The following CYP4F12 variants were observed in gnomAD, a reference collection of about 807,000 sequenced individuals.
CYP4F12 encodes the protein cytochrome P450 family 4 subfamily F member 12.
CYP4F12 carries 60 observed loss-of-function variants against 56.5 expected under a neutral mutation model. That is an observed-to-expected ratio of 1.06 (90% CI 0.86 to 1.32). CYP4F12 has a LOEUF of 1.32. Ranked by LOEUF, CYP4F12 falls within the 40% of genes most tolerant of loss-of-function variation. The pLI, the probability that CYP4F12 is intolerant of heterozygous loss-of-function variation, is 0.00. For missense variants in CYP4F12, 711 were observed against 683.5 expected, an observed-to-expected ratio of 1.04 and a Z score of -0.45; for synonymous variants, 263 against 264.9, an observed-to-expected ratio of 0.99 and a Z score of 0.07.
In CYP4F12 at chr19:15,684,816, G is replaced by C; in HGVS notation, c.919G>C (p.Asp307His). 1 of 1,555,670 alleles carries C rather than the reference G, an allele frequency of 6.4e-7. No homozygotes were observed. The highest frequency in any genetic ancestry group is 8.8e-7 in the Non-Finnish European group (1 of 1,135,262). ...DFIDVLLLSK[D>H]EDGKALSDED... ...TGTGTGTGTCTTGCTTTCTCTTCAGGATGAAGATGGGAAGGCATTGTCAGA... is the reference window on the plus strand; with the variant it reads ...TGTGTGTGTCTTGCTTTCTCTTCAGCATGAAGATGGGAAGGCATTGTCAGA... The change falls in exon 8 of 13, where the codon GAT becomes CAT. Residue 307 changes from aspartate (D) to histidine (H), a missense_variant and splice_region_variant. Coordinates refer to ENST00000550308, the MANE Select transcript of CYP4F12 (RefSeq NM_023944.4).
chr19:15,697,057 T>C lies in CYP4F12; in HGVS notation c.1547T>C (p.Val516Ala), dbSNP rs1405905326. The C allele has an allele frequency of 6.2e-7, 1 of 1,613,942 alleles. No homozygotes were observed. Among genetic ancestry groups the C allele is most frequent in the East Asian group, 2.2e-5 (1 of 44,878 alleles). Residue 516 changes from valine (V) to alanine (A), a missense_variant, in exon 13 of 13, where the codon GTG becomes GCG. Coordinates refer to ENST00000550308, the MANE Select transcript of CYP4F12 (RefSeq NM_023944.4). ...GCCGAGGGCGGGCTTTGGCTGCGGG[T>C]GGAGCCCCTGAATGTAAGCTTGCAG... ...MRAEGGLWLRVEPLNVSLQ is the reference protein window; with the variant it reads ...MRAEGGLWLRAEPLNVSLQ
rs370244394 is a variant in CYP4F12 at position 15,673,664 on chromosome 19, C to T, written c.135C>T (p.Cys45=). 7.4e-5 allele frequency: 119 copies of T among 1,614,050 alleles called. No homozygotes were observed. The highest frequency in any genetic ancestry group is 2.8e-4 in the Admixed American group (17 of 60,008). The change falls in exon 2 of 13, where the codon TGC becomes TGT. Residue 45 remains cysteine (C), a synonymous_variant. Coordinates refer to ENST00000550308, the MANE Select transcript of CYP4F12 (RefSeq NM_023944.4). The part of the protein sequence containing the change: ...LAWTYAFYNN[C]RRLQCFPQPP... ...GGACCTATGCCTTCTATAACAACTG[C>T]CGCCGGCTCCAGTGTTTCCCACAGC...
At chr19:15,674,981 C>T (rs2006847227) in intron 2 of CYP4F12, among the ~76,000 whole-genome samples, 1 of 152,240 alleles carries the variant, frequency 6.6e-6, no homozygotes, top group Non-Finnish European at 1.5e-5. Flanking sequence ...CTTGTATCTG[C>T]CCATCTCTGG....
intron 3 of CYP4F12, 198 bp downstream of exon 3, chr19:15,678,603 T>A (rs2007115363): frequency 1.6e-6 from 1 of 642,962 alleles, no homozygotes; most frequent in Non-Finnish European, 2.6e-6. Flanking sequence ...TTCAGGGCCC[T>A]TTCTGGAAGG....
intron 9 of CYP4F12, among the ~76,000 whole-genome samples, chr19:15,692,897 A>G (rs1254926650): frequency 6.8e-6 from 1 of 146,928 alleles, no homozygotes; most frequent in South Asian, 2.2e-4. Context: ...AAATTGGGGA[A>G]ACTCCATCTC....
intron 5 of CYP4F12, chr19:15,680,754 C>G (rs1048813288): frequency 1.8e-6 from 1 of 570,100 alleles, no homozygotes; most frequent in Non-Finnish European, 3.1e-6. Flanking sequence ...CACAGAATCC[C>G]TGTAAACTCA....
At chr19:15,673,192 T>A in intron 1 of CYP4F12, 57 bp downstream of exon 1, 1 of 490,338 alleles carries the variant, frequency 2.0e-6, no homozygotes, top group African/African-American at 1.9e-5. Flanking sequence ...AAGAGGGGAC[T>A]GCCTAAGGCT....
At chr19:15,685,017 G>T (rs777384617) in intron 8 of CYP4F12, 51 bp from the exon 9 acceptor site, 1 of 1,596,066 alleles carries the variant, frequency 6.3e-7, no homozygotes, top group Non-Finnish European at 8.6e-7. Context: ...CAATATCTGG[G>T]CGCTGTCCAC....
intron 9 of CYP4F12, among the ~76,000 whole-genome samples, chr19:15,687,138 G>A (rs1216805222): frequency 6.6e-6 from 1 of 152,244 alleles, no homozygotes; most frequent in Non-Finnish European, 1.5e-5. Flanking sequence ...TTAGCCGGGC[G>A]TGATGGCAGG....
chr19:15,696,776 G>T, intron 12 of CYP4F12, 132 bp from the exon 13 acceptor site: 1 of 1,279,254 alleles, frequency 7.8e-7, no homozygotes, highest in Non-Finnish European at 1.1e-6. Context: ...GGGAGTCCCA[G>T]GCACGCTTAG....
In CYP4F12 at chr19:15,680,373, T is replaced by A. The variant is rs2144720983; in HGVS notation, c.398-19T>A. On this transcript the variant is annotated intron_variant, in intron 4 of 12. Transcript: ENST00000550308. ...GGGGAAGTGCTGCTCTTGCCCACTG[T>A]CCTTGGCTGCCCTACTAGGAGAAGG... 1 of 1,614,046 alleles carries A rather than the reference T, an allele frequency of 6.2e-7. No individual in the cohort carries two copies. The highest frequency in any genetic ancestry group is 2.2e-5 in the East Asian group (1 of 44,874).
chr19:15,692,451 T>C (rs1051022555), intron 9 of CYP4F12, among the ~76,000 whole-genome samples: 1 of 152,156 alleles, frequency 6.6e-6, no homozygotes, highest in African/African-American at 2.4e-5. Flanking sequence ...GTTATTTCTA[T>C]ATGGTAAAAC....
intron 3 of CYP4F12, chr19:15,678,661 T>A (rs1478078113): frequency 4.1e-5 from 18 of 439,848 alleles, no homozygotes; most frequent in Admixed American, 3.4e-4. Flanking sequence ...ATTTCCAGCC[T>A]CATAGGGTCA....
In CYP4F12 at chr19:15,696,402, T is replaced by A. The variant is rs596252; in HGVS notation, c.1315-28T>A. On this transcript the variant is annotated intron_variant, in intron 11 of 12. Coordinates refer to ENST00000550308, the MANE Select transcript of CYP4F12 (RefSeq NM_023944.4). The stretch of plus-strand genomic sequence containing the variant: ...GGCTGCTGGACATAGGAAATCCCAC[T>A]GGCAAACCTTCTTTGTCTCACCTGC... 6.2e-6 allele frequency: 10 copies of A among 1,613,848 alleles called. No individual in the cohort carries two copies. The East Asian group carries it at 1.6e-4, about 25-fold the overall frequency.
rs560306889 is a variant in CYP4F12 at position 15,680,113 on chromosome 19, C to T, written c.344-131C>T. On this transcript the variant is annotated intron_variant, in intron 3 of 12. Coordinates refer to ENST00000550308, the MANE Select transcript of CYP4F12 (RefSeq NM_023944.4). ...CCTTCTTCCTCTATCCTCCCTTCGTCCTTTGCCCTTGGCCCCCTTCCTGCT... is the reference window on the plus strand; with the variant it reads ...CCTTCTTCCTCTATCCTCCCTTCGTTCTTTGCCCTTGGCCCCCTTCCTGCT... The T allele has an allele frequency of 9.9e-6, 12 of 1,210,130 alleles. No individual in the cohort carries two copies. The South Asian group carries it at 1.5e-4, about 15-fold the overall frequency. 75.0% of individuals were successfully genotyped at this position (1,210,130 alleles called of 1,614,324 possible). A position where few individuals can be genotyped will look rare whatever the true frequency, so the allele number is the denominator to read the frequency against.
rs148300017 is a variant in CYP4F12, at chr19:15,684,734, G to A, written c.919-82G>A. On this transcript the variant is annotated intron_variant, in intron 7 of 12. Transcript: ENST00000550308. ...CAGAGATTATCTCAGGTTAGACTCC[G>A]GAGTCTCAGAGATAGTATAATTTGT... 248 of 1,366,082 alleles carry A rather than the reference G, an allele frequency of 1.8e-4. No individual in the cohort carries two copies. In the African/African-American group the frequency reaches 2.4e-3, roughly 13 times the overall value. The allele number at this position is 1,366,082 out of a possible 1,614,324, so 84.6% of individuals were successfully genotyped here.
chr19:15,695,828 T>G, intron 9 of CYP4F12, 108 bp from the exon 10 acceptor site: 3 of 1,439,868 alleles, frequency 2.1e-6, no homozygotes, highest in Non-Finnish European at 2.8e-6. Flanking sequence ...TTGATCCCCG[T>G]GGAGTTTATT....
intron 12 of CYP4F12, 81 bp from the exon 13 acceptor site, chr19:15,696,827 G>A: frequency 6.7e-7 from 1 of 1,492,890 alleles, no homozygotes; most frequent in Non-Finnish European, 8.9e-7. Context: ...GTGCAGTTGG[G>A]GGTCCCAGGC....
chr19:15,686,074 C>T (rs1033289826), intron 9 of CYP4F12, among the ~76,000 whole-genome samples: 12 of 152,300 alleles, frequency 7.9e-5, no homozygotes, highest in African/African-American at 2.6e-4. Flanking sequence ...TAGGAACAGT[C>T]CCCCACAAGA....
Sources: allele counts gnomAD v4.1 joint callset (sites outside exome capture counted in the v4.1 genomes callset), GRCh38; gene constraint gnomAD v4.1.1; transcripts MANE v1.5; gene names NCBI Gene and HGNC (gene_info 2026-07-23, HGNC 2026-07-21).